The following ASB5 variants were observed in gnomAD, a reference collection of about 807,000 sequenced individuals.
The protein encoded by ASB5 is ankyrin repeat and SOCS box containing 5, also known as ankyrin repeat and SOCS box protein 5.
ASB5 carries 45 observed loss-of-function variants against 42.1 expected under a neutral mutation model. The observed-to-expected ratio is 1.07, with a 90% CI of 0.84 to 1.37. The LOEUF (loss-of-function observed/expected upper bound fraction) is 1.37. ASB5 is among the 40% of genes most tolerant of loss of function. The probability of loss-of-function intolerance (pLI) is 0.00; values close to 1 mark genes in which losing one functional copy is unlikely to be tolerated. For missense variants in ASB5, 402 were observed against 399.8 expected (o/e 1.01, Z -0.05); for synonymous variants, 147 against 150.6 (o/e 0.98, Z 0.18).
intron 1 of ASB5, among the ~76,000 whole-genome samples, chr4:176,233,120 G>A (rs1252776057): frequency 6.6e-6 from 1 of 152,158 alleles, no homozygotes; most frequent in Non-Finnish European, 1.5e-5. Flanking sequence ...AAATGCATTT[G>A]AAACATCACA....
At chr4:176,271,728 AG>A (rs1027348983), upstream of ASB5, among the ~76,000 whole-genome samples, 21 of 152,262 alleles carry the variant, frequency 1.4e-4, no homozygotes, top group African/African-American at 3.8e-4. Context: ...ATTTCATCTT[AG>A]GGGGGTGAAT....
At chr4:176,272,628 C>T (rs549367022), upstream of ASB5, among the ~76,000 whole-genome samples, 6 of 152,280 alleles carry the variant, frequency 3.9e-5, no homozygotes, top group Admixed American at 3.3e-4. Context: ...GTCTCTTGCT[C>T]ACTCTTCTCC....
At chr4:176,250,130 C>T (rs1429520896) in intron 1 of ASB5, among the ~76,000 whole-genome samples, 1 of 151,496 alleles carries the variant, frequency 6.6e-6, no homozygotes, top group Non-Finnish European at 1.5e-5. Flanking sequence ...TGCAAGGCCA[C>T]AGGGAGTGTC....
At chr4:176,245,943 T>C (rs1287747632) in intron 1 of ASB5, among the ~76,000 whole-genome samples, 1 of 152,052 alleles carries the variant, frequency 6.6e-6, no homozygotes, top group Non-Finnish European at 1.5e-5. Context: ...AAATACCTAA[T>C]GTAAATGATG....
intron 1 of ASB5, among the ~76,000 whole-genome samples, chr4:176,267,523 GA>G (rs1754380622): frequency 1.3e-5 from 2 of 152,064 alleles, no homozygotes; most frequent in Admixed American, 1.3e-4. Flanking sequence ...GCTAAGGCAG[GA>G]TGATCCCTTG....
At chr4:176,275,860 A>AT (rs1180393144) in exon 2 of ASB5, 2 of 152,170 alleles carry the variant, frequency 1.3e-5, no homozygotes, top group Non-Finnish European at 2.9e-5. Flanking sequence ...CCTCTCCCTC[A>AT]TCCCCACTGC....
At chr4:176,271,839 C>A (rs1754473337), upstream of ASB5, among the ~76,000 whole-genome samples, 1 of 151,978 alleles carries the variant, frequency 6.6e-6, no homozygotes, top group Non-Finnish European at 1.5e-5. Context: ...GAACATAGTT[C>A]TAACTAAAAT....
chr4:176,264,794 A>G (rs1754324986), intron 1 of ASB5, among the ~76,000 whole-genome samples: 1 of 152,088 alleles, frequency 6.6e-6, no homozygotes, highest in African/African-American at 2.4e-5. Context: ...TAATATGTGA[A>G]AATGTTACTC....
chr4:176,275,278 G>A (rs536860320), intron 2 of ASB5, among the ~76,000 whole-genome samples: 92 of 152,036 alleles, frequency 6.1e-4, no homozygotes, highest in African/African-American at 2.1e-3. Context: ...CATTTCTTGA[G>A]GTAAAATATA....
intron 1 of ASB5, 95 bp downstream of exon 1, chr4:176,268,818 T>C (rs1579338224): frequency 9.3e-7 from 1 of 1,071,238 alleles, no homozygotes; most frequent in East Asian, 2.7e-5. Context: ...TTATAAAATA[T>C]TTACCTTGAA....
chr4:176,237,178 T>G, intron 1 of ASB5: 1 of 665,276 alleles, frequency 1.5e-6, no homozygotes, highest in Non-Finnish European at 1.9e-6. Context: ...GCCATACATG[T>G]GCATTTCAAT....
Position 176,269,186 on chromosome 4 carries a change from G to C in ASB5, c.-78C>G. On this transcript the variant is annotated 5_prime_UTR_variant, in exon 1 of 7. Coordinates refer to ENST00000296525, the MANE Select transcript of ASB5 (RefSeq NM_080874.4). ...CCTGGCTCTCGTCCGGGATGCTCCT[G>C]AACAGCTGGTCCTGAGGAAAGAAAA... is the stretch of plus-strand genomic sequence containing the variant. 5 of 1,329,534 alleles carry C rather than the reference G, an allele frequency of 3.8e-6. No individual in the cohort carries two copies. Among genetic ancestry groups the C allele is most frequent in the Non-Finnish European group, 5.2e-6 (5 of 960,230 alleles). The allele number at this position is 1,329,534 out of a possible 1,614,324, so 82.4% of individuals were successfully genotyped here.
intron 1 of ASB5, among the ~76,000 whole-genome samples, chr4:176,267,488 G>T (rs1178271971): frequency 4.6e-4 from 70 of 151,972 alleles, no homozygotes; most frequent in Non-Finnish European, 1.3e-4. Flanking sequence ...GCCAGGCATG[G>T]TTGTGTGTCC....
chr4:176,217,997 C>T (rs538961748), intron 5 of ASB5, among the ~76,000 whole-genome samples: 15 of 150,746 alleles, frequency 1.0e-4, no homozygotes, highest in East Asian at 7.8e-4. Context: ...TAAAATGTTT[C>T]GTGAAAAAAT....
intron 1 of ASB5, among the ~76,000 whole-genome samples, chr4:176,255,354 C>A (rs1754134063): frequency 6.6e-6 from 1 of 152,206 alleles, no homozygotes; most frequent in Non-Finnish European, 1.5e-5. Context: ...ACCTAGCAAT[C>A]CCATTACTGG....
In ASB5 at chr4:176,241,675, G is replaced by A. The variant is rs1396569026; in HGVS notation, c.197-16334C>T. 5 of 1,347,066 alleles carry A rather than the reference G, an allele frequency of 3.7e-6. No individual in the cohort carries two copies. In the East Asian group the frequency reaches 1.1e-4, roughly 29 times the overall value. The allele number at this position is 1,347,066 out of a possible 1,614,324, so 83.4% of individuals were successfully genotyped here. A position where few individuals can be genotyped will look rare whatever the true frequency, so the allele number is the denominator to read the frequency against. Reference sequence around the variant, plus strand: ...AAATCTGTTGGCCTAGTGATAGTGAGTGAGGGCAGATGAGGTCTGAGAGTA... The same window carrying A: ...AAATCTGTTGGCCTAGTGATAGTGAATGAGGGCAGATGAGGTCTGAGAGTA... On this transcript the variant is annotated intron_variant, in intron 1 of 6. Coordinates refer to ENST00000296525, the MANE Select transcript of ASB5 (RefSeq NM_080874.4).
chr4:176,261,408 C>A (rs1291044556), intron 1 of ASB5, among the ~76,000 whole-genome samples: 1 of 152,186 alleles, frequency 6.6e-6, no homozygotes, highest in Non-Finnish European at 1.5e-5. Context: ...AAGTTCTTAA[C>A]AGAACTTCTG....
At chr4:176,224,593 G>A (rs1407973517) in intron 2 of ASB5, among the ~76,000 whole-genome samples, 8 of 141,018 alleles carry the variant, frequency 5.7e-5, no homozygotes, top group African/African-American at 1.1e-4. Context: ...GGCTGGTCTC[G>A]AACTCCTGAC....
At chr4:176,266,317 G>C (rs1339027902) in intron 1 of ASB5, among the ~76,000 whole-genome samples, 1 of 152,104 alleles carries the variant, frequency 6.6e-6, no homozygotes, top group Non-Finnish European at 1.5e-5. Context: ...CAGAAATGTT[G>C]GGGAGCAGTC....
Sources: allele counts gnomAD v4.1 joint callset (sites outside exome capture counted in the v4.1 genomes callset), GRCh38; gene constraint gnomAD v4.1.1; transcripts MANE v1.5; gene names NCBI Gene and HGNC (gene_info 2026-07-23, HGNC 2026-07-21).